Variants in TMEM217 observed in about 807,000 individuals in gnomAD.
TMEM217 encodes transmembrane protein 217.
For synonymous variants in TMEM217, 76 were observed against 88.3 expected (o/e 0.86, Z 0.78); for missense variants, 204 against 248.8 (o/e 0.82, Z 1.21).
intron 1 of TMEM217, among the ~76,000 whole-genome samples, chr6:37,225,464 C>G (rs112056670): frequency 6.6e-6 from 1 of 151,988 alleles, no homozygotes. Context: ...TATGAATAAT[C>G]CAATTCTGTA....
chr6:37,245,450 C>T (rs1765004700), intron 1 of TMEM217, among the ~76,000 whole-genome samples: 1 of 152,252 alleles, frequency 6.6e-6, no homozygotes, highest in Non-Finnish European at 1.5e-5. Flanking sequence ...ACAAACTCCT[C>T]CCGATTCGAA....
At chr6:37,252,633 ATATATT>A (rs1164841169) in intron 1 of TMEM217, among the ~76,000 whole-genome samples, 7,091 of 73,728 alleles carry the variant, frequency 0.096, 112 homozygotes, top group East Asian at 0.2. Context: ...ATATATATAT[ATATATT>A]TTTTTTTTTT....
chr6:37,240,641 C>T (rs1764720357), intron 1 of TMEM217, among the ~76,000 whole-genome samples: 1 of 152,204 alleles, frequency 6.6e-6, no homozygotes, highest in South Asian at 2.1e-4. Flanking sequence ...GTGTAAATAC[C>T]AGGAGGCCAG....
chr6:37,213,836 C>G (rs1475859381), downstream of TMEM217, among the ~76,000 whole-genome samples: 1 of 152,250 alleles, frequency 6.6e-6, no homozygotes, highest in Non-Finnish European at 1.5e-5. Flanking sequence ...CAGAGGACTC[C>G]TGAGCAAACC....
chr6:37,214,648 C>T (rs1278429815), downstream of TMEM217, among the ~76,000 whole-genome samples: 2 of 152,194 alleles, frequency 1.3e-5, no homozygotes, highest in Non-Finnish European at 2.9e-5. Flanking sequence ...TATGAATTTG[C>T]CTGCTCTAGG....
chr6:37,232,450 A>G lies in TMEM217; in HGVS notation c.-11-13409T>C, dbSNP rs142272233. Among the ~76,000 whole-genome samples the G allele has an allele frequency of 2.8e-3, 424 of 152,310 alleles. 1 individual carries two copies. The highest frequency in any genetic ancestry group is 9.7e-3 in the African/African-American group (402 of 41,578). On this transcript the variant is annotated intron_variant, in intron 1 of 1. Coordinates refer to ENST00000357219, the Ensembl canonical transcript of TMEM217. The stretch of plus-strand genomic sequence containing the variant: ...GCCCAGGCTGGAGTGCAGTGGCACA[A>G]TCTTGGCTAACTGAAAGCTCTGCCT...
At chr6:37,212,472 A>C (rs1276939217) in exon 4 of TMEM217, 1 of 453,918 alleles carries the variant, frequency 2.2e-6, no homozygotes, top group Admixed American at 2.4e-5. Context: ...AGTTCACTGC[A>C]ATGGTGGAGC....
downstream of TMEM217, among the ~76,000 whole-genome samples, chr6:37,216,333 C>A (rs560833216): frequency 1.3e-5 from 2 of 152,224 alleles, no homozygotes; most frequent in African/African-American, 4.8e-5. Flanking sequence ...CCCGCTTTGG[C>A]CTCCAAAAGT....
chr6:37,243,168 G>T (rs190255125), intron 1 of TMEM217, among the ~76,000 whole-genome samples: 30 of 152,302 alleles, frequency 2.0e-4, no homozygotes, highest in African/African-American at 6.5e-4. Context: ...CCACCACGGA[G>T]ATGTTGTCCC....
intron 1 of TMEM217, among the ~76,000 whole-genome samples, chr6:37,225,683 T>C (rs1032787410): frequency 6.6e-6 from 1 of 152,250 alleles, no homozygotes; most frequent in African/African-American, 2.4e-5. Flanking sequence ...CAAAGACTGA[T>C]AATTGTCTCC....
At chr6:37,214,043 CAGGCTGCCACT>C (rs1763053536), downstream of TMEM217, among the ~76,000 whole-genome samples, 1 of 152,240 alleles carries the variant, frequency 6.6e-6, no homozygotes, top group South Asian at 2.1e-4. Context: ...AGAGCACAGA[CAGGCTGCCACT>C]AGCCTCCCTC....
At chr6:37,255,196 C>T (rs1765650238) in intron 1 of TMEM217, among the ~76,000 whole-genome samples, 1 of 152,062 alleles carries the variant, frequency 6.6e-6, no homozygotes, top group Non-Finnish European at 1.5e-5. Flanking sequence ...AAAATAGAGC[C>T]AGGCAATAAG....
chr6:37,218,213 A>C, exon 2 of TMEM217: 1 of 1,300,370 alleles, frequency 7.7e-7, no homozygotes, highest in Non-Finnish European at 9.7e-7. Context: ...TCTGTCACTC[A>C]GGCTGAAGTG....
chr6:37,238,611 G>A (rs892936052), intron 1 of TMEM217, among the ~76,000 whole-genome samples: 5 of 152,200 alleles, frequency 3.3e-5, no homozygotes, highest in Admixed American at 2.6e-4. Context: ...CCTGGTAAGA[G>A]AAGATGATGT....
At chr6:37,225,373 T>TA (rs1262320754) in intron 1 of TMEM217, among the ~76,000 whole-genome samples, 2 of 151,788 alleles carry the variant, frequency 1.3e-5, no homozygotes, top group Middle Eastern at 3.4e-3. Flanking sequence ...CATCATAGTT[T>TA]AAAAAAAACA....
chr6:37,256,456 G>A (rs1765737131), intron 1 of TMEM217, among the ~76,000 whole-genome samples: 1 of 152,150 alleles, frequency 6.6e-6, no homozygotes, highest in Admixed American at 6.5e-5. Context: ...AGAAAGGCAA[G>A]TAAAATAATT....
exon 4 of TMEM217, chr6:37,212,359 G>A (rs1762954271): frequency 5.4e-6 from 2 of 367,392 alleles, no homozygotes; most frequent in Non-Finnish European, 1.1e-5. Context: ...GGGTAGGGAG[G>A]GTTCCATTGT....
chr6:37,257,585 C>A, exon 1 of TMEM217: 1 of 378,808 alleles, frequency 2.6e-6, no homozygotes, highest in Non-Finnish European at 4.8e-6. Context: ...TTCCCTCTCG[C>A]GGGTAGGAAC....
At chr6:37,257,817 G>T in exon 1 of TMEM217, 1 of 1,338,068 alleles carries the variant, frequency 7.5e-7, no homozygotes, top group Non-Finnish European at 1.0e-6. Context: ...GTGACCGGCG[G>T]CGGGGAAGCG....
Sources: allele counts gnomAD v4.1 joint callset (sites outside exome capture counted in the v4.1 genomes callset), GRCh38; gene constraint gnomAD v4.1.1; transcripts MANE v1.5; gene names NCBI Gene and HGNC (gene_info 2026-07-23, HGNC 2026-07-21).